Variants in CASD1 observed in about 807,000 individuals in gnomAD.
CASD1 encodes N-acetylneuraminate (7)9-O-acetyltransferase.
A neutral mutation model predicts 100.0 loss-of-function variants in CASD1; 41 were observed. The observed-to-expected ratio is 0.41, with a 90% CI of 0.32 to 0.53. The LOEUF is 0.53. Ranked by LOEUF, CASD1 falls within the 20% of genes least tolerant of loss-of-function variation. The pLI, the probability that CASD1 is intolerant of heterozygous loss-of-function variation, is 0.25. For missense variants in CASD1, 774 were observed against 948.7 expected (o/e 0.82, Z 2.42); for synonymous variants, 321 against 315.6 (o/e 1.02, Z -0.18).
In CASD1 at chr7:94,535,444, G is replaced by T; in HGVS notation, c.764G>T (p.Ser255Ile). The change falls in exon 8 of 18, where the codon AGT becomes ATT. Residue 255 changes from serine to isoleucine, a missense_variant. By Grantham distance (142) the Ser-to-Ile change is moderately radical. Around this residue, in one of 5 missense-constraint regions of CASD1, gnomAD observed 453 missense variants for 532.6 expected, o/e 0.85. Transcript: ENST00000297273. Reference sequence around the variant, plus strand: ...TCTAAATCAAATGTTAAGATGTTCAGTGTTTCCAAATTAATTGCTCAAGAA... The same window carrying T: ...TCTAAATCAAATGTTAAGATGTTCATTGTTTCCAAATTAATTGCTCAAGAA... ...RNSKSNVKMF[S>I]VSKLIAQETI... 6.2e-7 allele frequency: 1 copy of T among 1,613,654 alleles called. No individual in the cohort carries two copies. The highest frequency in any genetic ancestry group is 8.5e-7 in the Non-Finnish European group (1 of 1,179,736).
chr7:94,599,514 C>T, the CASD1 span: 1 of 595,726 alleles, frequency 1.7e-6, no homozygotes. Flanking sequence ...TTTTCAAACC[C>T]TTTTTAGTTT....
the CASD1 span, among the ~76,000 whole-genome samples, chr7:94,581,701 G>T: frequency 6.6e-6 from 1 of 152,174 alleles, no homozygotes; most frequent in African/African-American, 2.4e-5. Flanking sequence ...CAAAGGATAT[G>T]ATCTCATTCC....
At position 94,510,199 on chromosome 7, in the gene CASD1, G is replaced by A; in HGVS notation, c.115G>A (p.Ala39Thr). The A allele has an allele frequency of 1.4e-6, 2 of 1,472,998 alleles. No individual in the cohort carries two copies. Among genetic ancestry groups the A allele is most frequent in the Admixed American group, 2.2e-5 (1 of 46,000 alleles). 91.2% of individuals were successfully genotyped at this position (1,472,998 alleles called of 1,614,324 possible). The change falls in exon 1 of 18, where the codon GCC becomes ACC. Residue 39 changes from alanine (A) to threonine (T), a missense_variant. By Grantham distance (58) the Ala-to-Thr change is moderately conservative. This residue lies in a region of CASD1 where 75 missense variants were observed against 60.9 expected (regional missense o/e 1.23). Coordinates refer to ENST00000297273, the MANE Select transcript of CASD1 (RefSeq NM_022900.5). ...AVLLLAACHLASRRYRGNDSC... is the reference protein window; with the variant it reads ...AVLLLAACHLTSRRYRGNDSC... The stretch of plus-strand genomic sequence containing the variant: ...GCTGCTGCTCGCAGCGTGCCACCTC[G>A]CCTCCCGCCGCTACCGAGGTGAGCG...
At chr7:94,582,456 T>A in the CASD1 span, among the ~76,000 whole-genome samples, 124 of 152,300 alleles carry the variant, frequency 8.1e-4, no homozygotes, top group African/African-American at 2.9e-3. Flanking sequence ...GCAACATGTA[T>A]GTCATCTTTC....
chr7:94,623,256 T>C, the CASD1 span: 1 of 948,728 alleles, frequency 1.1e-6, no homozygotes, highest in Non-Finnish European at 1.6e-6. Context: ...GACTATATTT[T>C]ATGTAGTTAT....
chr7:94,573,748 A>G, the CASD1 span, among the ~76,000 whole-genome samples: 24 of 152,258 alleles, frequency 1.6e-4, no homozygotes, highest in Admixed American at 3.9e-4. Flanking sequence ...TGTTCTGGCT[A>G]GGACTTCCAG....
At chr7:94,546,820 A>T (rs1795704244) in intron 12 of CASD1, among the ~76,000 whole-genome samples, 1 of 151,876 alleles carries the variant, frequency 6.6e-6, no homozygotes, top group African/African-American at 2.4e-5. Context: ...GTATAATTGA[A>T]TCCAGGAGGC....
chr7:94,573,975 T>C, the CASD1 span, among the ~76,000 whole-genome samples: 1 of 152,200 alleles, frequency 6.6e-6, no homozygotes, highest in African/African-American at 2.4e-5. Context: ...TTTCTGCATC[T>C]ATTGAGATAA....
chr7:94,625,444 A>G, the CASD1 span: 2 of 151,998 alleles, frequency 1.3e-5, no homozygotes, highest in African/African-American at 4.8e-5. Flanking sequence ...TGCACTCACA[A>G]TGAACTCTTA....
Position 94,533,783 on chromosome 7 carries a change from T to C in CASD1, c.609T>C (p.Asp203=). 6.3e-7 allele frequency: 1 copy of C among 1,591,282 alleles called. No individual in the cohort carries two copies. The highest frequency in any genetic ancestry group is 8.6e-7 in the Non-Finnish European group (1 of 1,169,042). ...TAGAAAAATTGGCAAAGACTAGTGA[T>C]GTTTATTGGGTCTTACAAGGTAAGG... ...PLLEKLAKTS[D]VYWVLQDPVY... Residue 203 remains aspartate, a synonymous_variant, in exon 7 of 18, where the codon GAT becomes GAC. Transcript: ENST00000297273.
intron 2 of CASD1, 90 bp from the exon 3 acceptor site, chr7:94,518,113 T>C: frequency 7.8e-7 from 1 of 1,274,620 alleles, no homozygotes. Flanking sequence ...TGTAACAATC[T>C]GGATCAACTT....
At chr7:94,537,947 C>A in intron 9 of CASD1, 53 bp downstream of exon 9, 1 of 988,400 alleles carries the variant, frequency 1.0e-6, no homozygotes, top group Non-Finnish European at 1.5e-6. Flanking sequence ...TCATTACATA[C>A]TCTGTGTTAA....
chr7:94,583,610 T>C, the CASD1 span, among the ~76,000 whole-genome samples: 1 of 152,192 alleles, frequency 6.6e-6, no homozygotes, highest in Non-Finnish European at 1.5e-5. Context: ...AAATATACCC[T>C]GGAGGATGGA....
At chr7:94,612,422 A>G in the CASD1 span, among the ~76,000 whole-genome samples, 1 of 152,192 alleles carries the variant, frequency 6.6e-6, no homozygotes, top group Non-Finnish European at 1.5e-5. Flanking sequence ...AATCTCTAAA[A>G]TATAATTTTG....
chr7:94,520,375 T>C (rs1372182417), intron 3 of CASD1, among the ~76,000 whole-genome samples: 2 of 152,238 alleles, frequency 1.3e-5, no homozygotes, highest in Non-Finnish European at 2.9e-5. Flanking sequence ...TGAATTTGAT[T>C]TCTTTTGTGT....
chr7:94,630,361 T>C, the CASD1 span, among the ~76,000 whole-genome samples: 1 of 151,890 alleles, frequency 6.6e-6, no homozygotes, highest in Non-Finnish European at 1.5e-5. Context: ...GGTTTTTACG[T>C]ATACTTATAA....
At chr7:94,562,268 T>G in the CASD1 span, among the ~76,000 whole-genome samples, 3 of 152,230 alleles carry the variant, frequency 2.0e-5, no homozygotes, top group Non-Finnish European at 2.9e-5. Context: ...CCCTTTTTCC[T>G]TCTCATATAC....
chr7:94,629,452 T>G, the CASD1 span: 1 of 350,910 alleles, frequency 2.8e-6, no homozygotes, highest in South Asian at 2.8e-5. Flanking sequence ...ATTATTTCCA[T>G]GTGAATATAG....
the CASD1 span, among the ~76,000 whole-genome samples, chr7:94,601,556 T>A: frequency 9.9e-5 from 15 of 151,138 alleles, no homozygotes; most frequent in East Asian, 1.4e-3. Context: ...TATGCTAAGG[T>A]TTTTATTGAA....
Sources: allele counts gnomAD v4.1 joint callset (sites outside exome capture counted in the v4.1 genomes callset), GRCh38; gene constraint gnomAD v4.1.1; regional missense constraint gnomAD v4.1.1; transcripts MANE v1.5; gene names NCBI Gene and HGNC (gene_info 2026-07-23, HGNC 2026-07-21).